Variants in ATM observed in about 807,000 individuals in gnomAD.
ATM encodes the protein serine-protein kinase ATM.
Under a neutral mutation model 387.0 loss-of-function variants are expected in ATM, and 308 were observed. The observed-to-expected ratio is 0.80, with a 90% CI of 0.73 to 0.87. The LOEUF (loss-of-function observed/expected upper bound fraction) is 0.87, where lower values mean the gene tolerates loss of function less well. ATM is among the 40% of genes least tolerant of loss of function. The pLI, the probability that ATM is intolerant of heterozygous loss-of-function variation, is 0.00. For missense variants in ATM, 3,312 were observed against 3,560.9 expected (o/e 0.93, Z 1.78); for synonymous variants, 1,156 against 1,187.3 (o/e 0.97, Z 0.54).
At chr11:108,236,563 G>A (rs961041241) in intron 5 of ATM, 2 of 151,092 alleles carry the variant, frequency 1.3e-5, no homozygotes, top group African/African-American at 4.9e-5. Flanking sequence ...GAAAGCAAGA[G>A]AGTTGAAAGT....
intron 8 of ATM, 81 bp from the exon 9 acceptor site, chr11:108,248,852 C>A: frequency 2.4e-6 from 3 of 1,242,714 alleles, no homozygotes; most frequent in Non-Finnish European, 2.2e-6. Context: ...CGTGCTGTTC[C>A]ACTCCAACCT....
chr11:108,321,831 T>G (rs146773774), intron 45 of ATM, among the ~76,000 whole-genome samples: 32 of 152,322 alleles, frequency 2.1e-4, no homozygotes, highest in African/African-American at 7.5e-4. Context: ...TGTGTTTCTT[T>G]CCTTTTATCA....
At chr11:108,291,224 A>G (rs2082778237) in intron 29 of ATM, among the ~76,000 whole-genome samples, 1 of 152,220 alleles carries the variant, frequency 6.6e-6, no homozygotes, top group African/African-American at 2.4e-5. Context: ...CGACAGAGCA[A>G]GACTCCGTCT....
At chr11:108,227,464 A>AT in intron 1 of ATM, 131 bp from the exon 2 acceptor site, 2 of 599,310 alleles carry the variant, frequency 3.3e-6, no homozygotes, top group Non-Finnish European at 5.8e-6. Flanking sequence ...TGTGCCTCTA[A>AT]TTGTACAGTT....
intron 45 of ATM, among the ~76,000 whole-genome samples, chr11:108,322,601 AATAGT>A (rs2085316230): frequency 6.6e-6 from 1 of 152,226 alleles, no homozygotes; most frequent in South Asian, 2.1e-4. Context: ...TGGAAGATGA[AATAGT>A]ATAGTTACTC....
intron 56 of ATM, among the ~76,000 whole-genome samples, chr11:108,339,072 T>G (rs952997231): frequency 6.6e-6 from 1 of 152,210 alleles, no homozygotes; most frequent in Admixed American, 6.5e-5. Context: ...ATGCCAGATA[T>G]CTCTTGTCAG....
chr11:108,251,710 C>A, intron 10 of ATM, 127 bp from the exon 11 acceptor site: 1 of 927,018 alleles, frequency 1.1e-6, no homozygotes, highest in Non-Finnish European at 1.7e-6. Context: ...TGTAATCAGA[C>A]TTTTAACAGT....
rs2135266984 is a variant in ATM at position 108,247,041 on chromosome 11, G to A, written c.979G>A (p.Gly327Arg). 6.2e-7 allele frequency: 1 copy of A among 1,613,604 alleles called. No homozygotes were observed. Among genetic ancestry groups the A allele is most frequent in the Non-Finnish European group, 8.5e-7 (1 of 1,179,632 alleles). The change falls in exon 8 of 63, where the codon GGA becomes AGA. Residue 327 changes from glycine to arginine, a missense_variant. By Grantham distance (125) the Gly-to-Arg change is moderately radical. Around this residue, in one of 4 missense-constraint regions of ATM, gnomAD observed 1,791 missense variants for 1,804.5 expected, o/e 0.99. Coordinates refer to ENST00000675843, the MANE Select transcript of ATM (RefSeq NM_000051.4). ...DLLVNEISHI[G>R]SRGKYSSGFR... ...GCTAGTGAATGAGATAAGTCATATA[G>A]GAAGTAGAGGAAAGTATTCTTCAGG... is the stretch of plus-strand genomic sequence containing the variant.
Position 108,252,827 on chromosome 11 carries a change from C to T in ATM, c.1813C>T (p.His605Tyr), listed in dbSNP as rs786202928. Reference protein sequence around the residue: ...VPPILHSNFPHLVLEKILVSL... With the variant: ...VPPILHSNFPYLVLEKILVSL... ...TGTTTTTCTTTGTAGTAATTTTCCT[C>T]ATCTTGTACTGGAGAAAATTCTTGT... is the stretch of plus-strand genomic sequence containing the variant. Residue 605 changes from histidine (H) to tyrosine (Y), a missense_variant, in exon 12 of 63, where the codon CAT becomes TAT. Coordinates refer to ENST00000675843, the MANE Select transcript of ATM (RefSeq NM_000051.4). 6.2e-7 allele frequency: 1 copy of T among 1,610,232 alleles called. No homozygotes were observed. Among genetic ancestry groups the T allele is most frequent in the Non-Finnish European group, 8.5e-7 (1 of 1,177,022 alleles).
In ATM at chr11:108,282,883, A is replaced by C. The variant is rs1555092593; in HGVS notation, c.3746+4A>C. On this transcript the variant is annotated splice_donor_region_variant and intron_variant, in intron 25 of 62. Coordinates refer to ENST00000675843, the MANE Select transcript of ATM (RefSeq NM_000051.4). The stretch of plus-strand genomic sequence containing the variant: ...CAAATATTGAGGATTTCTATAGGTA[A>C]GTTTATACATGACATATGTGAAATT... 1 of 1,460,152 alleles carries C rather than the reference A, an allele frequency of 6.8e-7. No individual in the cohort carries two copies. Among genetic ancestry groups the C allele is most frequent in the Non-Finnish European group, 9.5e-7 (1 of 1,047,406 alleles). 90.4% of individuals were successfully genotyped at this position (1,460,152 alleles called of 1,614,324 possible).
chr11:108,242,025 A>G (rs1481330532), intron 5 of ATM, among the ~76,000 whole-genome samples: 1 of 151,678 alleles, frequency 6.6e-6, no homozygotes, highest in East Asian at 1.9e-4. Context: ...CAGCTCCTCG[A>G]TGTCTTTTTA....
chr11:108,272,900 G>A (rs779082221), intron 22 of ATM, 48 bp downstream of exon 22: 2 of 1,611,238 alleles, frequency 1.2e-6, no homozygotes, highest in Non-Finnish European at 1.7e-6. Context: ...GCAGATGGCA[G>A]TAGAATGTCT....
chr11:108,331,353 G>T, intron 50 of ATM, 91 bp from the exon 51 acceptor site: 1 of 1,514,212 alleles, frequency 6.6e-7, no homozygotes, highest in Non-Finnish European at 8.9e-7. Context: ...TGCTAATAGA[G>T]GAGCACTGTC....
intron 60 of ATM, 138 bp from the exon 61 acceptor site, chr11:108,354,673 A>C (rs1463054502): frequency 2.5e-6 from 2 of 809,640 alleles, no homozygotes; most frequent in Non-Finnish European, 4.3e-6. Flanking sequence ...TCTGCCAAGT[A>C]TTATGCTATT....
chr11:108,282,280 G>A lies in ATM; in HGVS notation c.3577-430G>A, dbSNP rs541018227. On this transcript the variant is annotated intron_variant, in intron 24 of 62. Coordinates refer to ENST00000675843, the MANE Select transcript of ATM (RefSeq NM_000051.4). Reference sequence around the variant, plus strand: ...GTAGCTGGGACTACAGGCGCCCGTCGTCACATCCACACACCTGGCTAATTT... The same window carrying A: ...GTAGCTGGGACTACAGGCGCCCGTCATCACATCCACACACCTGGCTAATTT... Among the ~76,000 whole-genome samples the A allele has an allele frequency of 4.5e-4, 69 of 151,816 alleles. 1 individual carries two copies. The South Asian group carries it at 0.014, about 31-fold the overall frequency.
Position 108,272,854 on chromosome 11 carries a change from TA to T in ATM, c.3284+4del, listed in dbSNP as rs761592860. ...GTTGGCTGCAGAGTCAATCAATAGG[TA>T]ATGGGTCAAATATTCATGAAGTATT... On this transcript the variant is annotated splice_donor_region_variant and intron_variant, in intron 22 of 62. Transcript: ENST00000675843. The T allele has an allele frequency of 6.2e-7, 1 of 1,613,900 alleles. No individual in the cohort carries two copies. The highest frequency in any genetic ancestry group is 1.1e-5 in the South Asian group (1 of 91,080).
chr11:108,282,268 C>T (rs1332855578), intron 24 of ATM, among the ~76,000 whole-genome samples: 1 of 152,014 alleles, frequency 6.6e-6, no homozygotes, highest in Admixed American at 6.6e-5. Context: ...GCTGGGACTA[C>T]AGGCGCCCGT....
chr11:108,237,635 A>G (rs2079344749), intron 5 of ATM, among the ~76,000 whole-genome samples: 1 of 152,146 alleles, frequency 6.6e-6, no homozygotes, highest in African/African-American at 2.4e-5. Flanking sequence ...CTCAAAATAT[A>G]TATTTGGTAC....
At position 108,275,929 on chromosome 11, in the gene ATM, G is replaced by A. The variant is rs556108149; in HGVS notation, c.3284+3077G>A. 3.6e-3 allele frequency among the ~76,000 whole-genome samples: 544 copies of A among 152,076 alleles called. 2 individuals carry two copies. The highest frequency in any genetic ancestry group is 6.0e-3 in the Non-Finnish European group (409 of 67,900). On this transcript the variant is annotated intron_variant, in intron 22 of 62. Coordinates refer to ENST00000675843, the MANE Select transcript of ATM (RefSeq NM_000051.4). ...TGGCCTGTCTCGCTAGATTGGGGAA[G>A]TTCTGATAATATCCTGAAGGGTGTT...
Sources: allele counts gnomAD v4.1 joint callset (sites outside exome capture counted in the v4.1 genomes callset), GRCh38; gene constraint gnomAD v4.1.1; regional missense constraint gnomAD v4.1.1; transcripts MANE v1.5; gene names NCBI Gene and HGNC (gene_info 2026-07-23, HGNC 2026-07-21).